The following ADGRL1 variants were observed in gnomAD, a reference collection of about 807,000 sequenced individuals.
ADGRL1 encodes adhesion G protein-coupled receptor L1, also known as CIRL-1.
Under a neutral mutation model 148.9 loss-of-function variants are expected in ADGRL1, and 31 were observed. That is an observed-to-expected ratio of 0.21 (90% CI 0.16 to 0.28). ADGRL1 has a LOEUF of 0.28. Among genes scored for constraint, ADGRL1 ranks in the 10% least tolerant of loss-of-function variants. The probability of loss-of-function intolerance (pLI) is 1.00; values close to 1 mark genes in which losing one functional copy is unlikely to be tolerated. For synonymous variants in ADGRL1, 937 were observed against 900.3 expected (o/e 1.04, Z -0.73); for missense variants, 1,521 against 2,058.8 (o/e 0.74, Z 5.05).
chr19:14,160,765 G>A lies in ADGRL1; in HGVS notation c.1511-69C>T, dbSNP rs1969275754. The stretch of plus-strand genomic sequence containing the variant: ...AAGAAGAGAAGGATGGGACAGAGAG[G>A]GGGAAAGGAGATGACAGAGAGTGGG... On this transcript the variant is annotated intron_variant, in intron 6 of 22. Transcript: ENST00000361434. The surrounding 1 kb of genome is among the most constrained non-coding windows in gnomAD (Gnocchi z 5.9). 1 of 887,990 alleles carries A rather than the reference G, an allele frequency of 1.1e-6. No individual in the cohort carries two copies. Among genetic ancestry groups the A allele is most frequent in the East Asian group, 2.5e-5 (1 of 40,700 alleles). The allele number at this position is 887,990 out of a possible 1,614,324, so 55.0% of individuals were successfully genotyped here.
rs140328291 is a variant in ADGRL1, at chr19:14,204,303, C to A, written c.-96+1682G>T. ...GGAGGAAGGAGAAGTCACCTGCCCCCCAAAGCTGGGGCCTGACAGGGACCC... is the reference window on the plus strand; with the variant it reads ...GGAGGAAGGAGAAGTCACCTGCCCCACAAAGCTGGGGCCTGACAGGGACCC... On this transcript the variant is annotated intron_variant, in intron 1 of 22. Coordinates refer to ENST00000361434, the MANE Select transcript of ADGRL1 (RefSeq NM_014921.5). Among the ~76,000 whole-genome samples, 1,441 of 152,166 alleles carry A rather than the reference C, an allele frequency of 9.5e-3. 10 individuals carry two copies. Among genetic ancestry groups the A allele is most frequent in the Non-Finnish European group, 0.014 (956 of 68,012 alleles).
Position 14,152,311 on chromosome 19 carries a change from G to A in ADGRL1, c.3647C>T (p.Pro1216Leu). ...NPSSPPVFNS[P>L]GSYREPKHPL... ...GGATGTTTCCCCCGTGCTCTCACCT[G>A]GGGAGTTGAAGACAGGGGGCGAGGA... is the stretch of plus-strand genomic sequence containing the variant. The change falls in exon 21 of 23, where the codon CCA becomes CTA. Residue 1216 changes from proline (P) to leucine (L), a missense_variant and splice_region_variant. Physicochemically the swap from Pro to Leu is moderately conservative, Grantham distance 98 (BLOSUM62 -3). This residue lies in a region of ADGRL1 where 390 missense variants were observed against 375.0 expected (regional missense o/e 1.04). Transcript: ENST00000361434. The surrounding 1 kb of genome is among the most constrained non-coding windows in gnomAD (Gnocchi z 6.1). The A allele has an allele frequency of 6.3e-7, 1 of 1,599,274 alleles. No homozygotes were observed. Among genetic ancestry groups the A allele is most frequent in the Non-Finnish European group, 8.5e-7 (1 of 1,170,998 alleles).
intron 1 of ADGRL1, among the ~76,000 whole-genome samples, chr19:14,184,606 T>A (rs1418469825): frequency 9.6e-6 from 1 of 103,972 alleles, no homozygotes; most frequent in South Asian, 3.0e-4. Context: ...CTAATTTTTA[T>A]TTTATTTATT....
intron 2 of ADGRL1, among the ~76,000 whole-genome samples, chr19:14,180,911 G>C (rs1425236680): frequency 6.6e-6 from 1 of 152,018 alleles, no homozygotes; most frequent in East Asian, 1.9e-4. Context: ...AGCCGGGCGT[G>C]GTGGCAGGCA....
chr19:14,164,857 C>T (rs538286124), intron 4 of ADGRL1, among the ~76,000 whole-genome samples: 7 of 152,278 alleles, frequency 4.6e-5, no homozygotes, highest in Non-Finnish European at 7.4e-5. Flanking sequence ...TCCCAGAGTG[C>T]GCCCCTCCAT....
Position 14,163,018 on chromosome 19 carries a change from G to A in ADGRL1, c.783C>T (p.Thr261=), listed in dbSNP as rs1046249860. ...DTSPYRWGGK[T]DIDLAVDENG... is the part of the protein sequence containing the mutation. ...TCTCGTCCACCGCCAGGTCAATGTCGGTCTTTCCGCCCCAGCGGTAGGGCG... is the reference window on the plus strand; with the variant it reads ...TCTCGTCCACCGCCAGGTCAATGTCAGTCTTTCCGCCCCAGCGGTAGGGCG... The change falls in exon 5 of 23, where the codon ACC becomes ACT. Residue 261 remains threonine (T), a synonymous_variant. Transcript: ENST00000361434. 1.1e-5 allele frequency: 18 copies of A among 1,614,088 alleles called. No homozygotes were observed. The highest frequency in any genetic ancestry group is 8.9e-5 in the East Asian group (4 of 44,882).
chr19:14,166,931 G>T, intron 4 of ADGRL1: 1 of 1,380,580 alleles, frequency 7.2e-7, no homozygotes, highest in Non-Finnish European at 1.0e-6. Context: ...GAGAAGAAGG[G>T]GCCGGGGGAG....
Position 14,156,205 on chromosome 19 carries a change from G to A in ADGRL1, c.3034-4C>T. The A allele has an allele frequency of 6.2e-7, 1 of 1,610,410 alleles. No individual in the cohort carries two copies. The highest frequency in any genetic ancestry group is 1.1e-5 in the South Asian group (1 of 90,154). ...CCATGAGGAACACCAGGTTGACCTG[G>A]GGGCGGGACAAGGGGCAGGCTGGGC... On this transcript the variant is annotated splice_region_variant and splice_polypyrimidine_tract_variant and intron_variant, in intron 16 of 22. Transcript: ENST00000361434.
At position 14,160,371 on chromosome 19, in the gene ADGRL1, G is replaced by A; in HGVS notation, c.1615-74C>T. ...CATCCTGCCCTCCCCGGCTTCCCTG[G>A]CCTGTGCAGCCTCTCCTATCTCTCT... On this transcript the variant is annotated intron_variant, in intron 7 of 22. Coordinates refer to ENST00000361434, the MANE Select transcript of ADGRL1 (RefSeq NM_014921.5). This position sits in a 1 kb window ranked among gnomAD's most constrained non-coding sequence, Gnocchi z 5.9. 2.2e-6 allele frequency: 3 copies of A among 1,344,398 alleles called. No individual in the cohort carries two copies. Among genetic ancestry groups the A allele is most frequent in the East Asian group, 2.4e-5 (1 of 42,494 alleles). 83.3% of individuals were successfully genotyped at this position (1,344,398 alleles called of 1,614,324 possible).
At position 14,155,677 on chromosome 19, in the gene ADGRL1, T is replaced by A; in HGVS notation, c.3126-150A>T. The stretch of plus-strand genomic sequence containing the variant: ...CGGGCCGAGTGGGCCTTGGGGGCAG[T>A]GGCCTGCCCAGGACACCTCCACCGG... On this transcript the variant is annotated intron_variant, in intron 17 of 22. Transcript: ENST00000361434. This position sits in a 1 kb window ranked among gnomAD's most constrained non-coding sequence, Gnocchi z 5.0. The A allele has an allele frequency of 1.4e-6, 1 of 715,178 alleles. No homozygotes were observed. Among genetic ancestry groups the A allele is most frequent in the Non-Finnish European group, 2.3e-6 (1 of 439,128 alleles). The allele number at this position is 715,178 out of a possible 1,614,324, so 44.3% of individuals were successfully genotyped here.
In ADGRL1 at chr19:14,151,380, A is replaced by G. The variant is rs1968173976; in HGVS notation, c.3903T>C (p.Pro1301=). 1.2e-6 allele frequency: 2 copies of G among 1,603,524 alleles called. No individual in the cohort carries two copies. The highest frequency in any genetic ancestry group is 4.5e-5 in the East Asian group (2 of 44,290). ...SSSAAKGPPP[P]EPPVPPVPGG... ...CTGGCACAGGTGGCACAGGGGGCTC[A>G]GGCGGTGGAGGGCCCTTGGCCGCGC... Residue 1301 remains proline, a synonymous_variant, in exon 23 of 23, where the codon CCT becomes CCC. Coordinates refer to ENST00000361434, the MANE Select transcript of ADGRL1 (RefSeq NM_014921.5).
chr19:14,153,005 G>C, intron 18 of ADGRL1, 93 bp from the exon 19 acceptor site: 1 of 1,476,290 alleles, frequency 6.8e-7, no homozygotes, highest in Non-Finnish European at 9.2e-7. Context: ...GCAGCCTTGG[G>C]AGGCCGGAGA....
chr19:14,190,761 C>G (rs1302684872), intron 1 of ADGRL1, among the ~76,000 whole-genome samples: 1 of 152,128 alleles, frequency 6.6e-6, no homozygotes, highest in Non-Finnish European at 1.5e-5. Context: ...GCATAATGTC[C>G]TCCAGGTTCA....
intron 1 of ADGRL1, among the ~76,000 whole-genome samples, chr19:14,184,840 C>T (rs920684587): frequency 2.0e-5 from 3 of 151,954 alleles, no homozygotes; most frequent in Middle Eastern, 3.4e-3. Context: ...GGGGTTTCAC[C>T]GTGTTAGCCA....
In ADGRL1 at chr19:14,166,883, G is replaced by A. The variant is rs562900921; in HGVS notation, c.395-3477C>T. On this transcript the variant is annotated intron_variant, in intron 4 of 22. Coordinates refer to ENST00000361434, the MANE Select transcript of ADGRL1 (RefSeq NM_014921.5). ...TGGTCCCACTGGGAGGACAACCCAG[G>A]GTGGGGGATACCGACCGGACCAAGT... 2.6e-4 allele frequency: 242 copies of A among 928,442 alleles called. 1 individual carries two copies. Among genetic ancestry groups the A allele is most frequent in the African/African-American group, 1.7e-3 (106 of 61,258 alleles). The allele number at this position is 928,442 out of a possible 1,614,324, so 57.5% of individuals were successfully genotyped here.
At chr19:14,158,080 T>C (rs769020256) in intron 12 of ADGRL1, 28 bp from the exon 13 acceptor site, 3 of 1,611,924 alleles carry the variant, frequency 1.9e-6, no homozygotes, top group Non-Finnish European at 2.5e-6. Context: ...CAGGGTGTCA[T>C]AACTAGAGTC....
chr19:14,198,243 G>A (rs1398475315), intron 1 of ADGRL1, among the ~76,000 whole-genome samples: 1 of 152,080 alleles, frequency 6.6e-6, no homozygotes, highest in Admixed American at 6.5e-5. Flanking sequence ...AGAGAGGTGG[G>A]AGCCATCGGG....
Position 14,156,167 on chromosome 19 carries a change from T to C in ADGRL1, c.3068A>G (p.Lys1023Arg). ...GAGCACAGATGAGCTTCGGATCATC[T>C]TGTGCAGGGTCACCATGAGGAACAC... The part of the protein sequence containing the change: ...NLVFLMVTLH[K>R]MIRSSSVLKP... The change falls in exon 17 of 23, where the codon AAG becomes AGG. Residue 1023 changes from lysine (K) to arginine (R), a missense_variant. By Grantham distance (26) the Lys-to-Arg change is conservative. Around this residue, in one of 8 missense-constraint regions of ADGRL1, gnomAD observed 185 missense variants for 251.7 expected, o/e 0.74. Transcript: ENST00000361434. 1 of 1,612,650 alleles carries C rather than the reference T, an allele frequency of 6.2e-7. No homozygotes were observed. The highest frequency in any genetic ancestry group is 8.5e-7 in the Non-Finnish European group (1 of 1,179,728).
At chr19:14,180,185 C>T (rs926762496) in intron 2 of ADGRL1, among the ~76,000 whole-genome samples, 26 of 152,144 alleles carry the variant, frequency 1.7e-4, no homozygotes, top group African/African-American at 6.3e-4. Context: ...CAGGACTCCA[C>T]TGAAGGGAGT....
Sources: allele counts gnomAD v4.1 joint callset (sites outside exome capture counted in the v4.1 genomes callset), GRCh38; gene constraint gnomAD v4.1.1; regional missense constraint gnomAD v4.1.1; non-coding constraint Gnocchi (gnomAD v3.1); transcripts MANE v1.5; gene names NCBI Gene and HGNC (gene_info 2026-07-23, HGNC 2026-07-21).